The following SCUBE1 variants were observed in gnomAD, a reference collection of about 807,000 sequenced individuals.
The protein encoded by SCUBE1 is signal peptide, CUB and EGF-like domain-containing protein 1.
Under a neutral mutation model 124.4 loss-of-function variants are expected in SCUBE1, and 59 were observed. The observed-to-expected ratio is 0.47, with a 90% CI of 0.38 to 0.59. The LOEUF is 0.59. Among genes scored for constraint, SCUBE1 ranks in the 20% least tolerant of loss-of-function variants. SCUBE1 has a pLI of 0.00. For synonymous variants in SCUBE1, 545 were observed against 550.9 expected (o/e 0.99, Z 0.15); for missense variants, 1,150 against 1,371.2 (o/e 0.84, Z 2.55).
intron 6 of SCUBE1, among the ~76,000 whole-genome samples, chr22:43,253,418 G>A (rs1379214451): frequency 4.6e-5 from 7 of 152,134 alleles, no homozygotes; most frequent in African/African-American, 1.4e-4. Flanking sequence ...CCTTTGCTTC[G>A]TGTTGGAGGA....
rs561949616 is a variant in SCUBE1 at position 43,239,084 on chromosome 22, C to G, written c.728-130G>C. 85 of 693,102 alleles carry G rather than the reference C, an allele frequency of 1.2e-4. 2 individuals carry two copies. In the South Asian group the frequency reaches 1.5e-3, roughly 12 times the overall value. 42.9% of individuals were successfully genotyped at this position (693,102 alleles called of 1,614,324 possible). A position where few individuals can be genotyped will look rare whatever the true frequency, so the allele number is the denominator to read the frequency against. On this transcript the variant is annotated intron_variant, in intron 6 of 21. Coordinates refer to ENST00000360835, the MANE Select transcript of SCUBE1 (RefSeq NM_173050.5). ...TCAAGCTCTGGCTCTGATATACTCTCTGGCTGTGGGACTCTAGGGAAGCTG... is the reference window on the plus strand; with the variant it reads ...TCAAGCTCTGGCTCTGATATACTCTGTGGCTGTGGGACTCTAGGGAAGCTG...
intron 11 of SCUBE1, 86 bp from the exon 12 acceptor site, chr22:43,222,828 A>C: frequency 9.0e-7 from 1 of 1,116,090 alleles, no homozygotes; most frequent in Non-Finnish European, 1.3e-6. Context: ...GGGATTGTGG[A>C]GTGAGACGAA....
chr22:43,244,866 G>A (rs533273893), intron 6 of SCUBE1, among the ~76,000 whole-genome samples: 1 of 152,272 alleles, frequency 6.6e-6, no homozygotes, highest in Non-Finnish European at 1.5e-5. Flanking sequence ...CCCTGATGAT[G>A]GGGGCAGCCC....
In SCUBE1 at chr22:43,218,390, G is replaced by A. The variant is rs1921932961; in HGVS notation, c.1756C>T (p.Arg586Cys). Residue 586 changes from arginine to cysteine, a missense_variant, in exon 15 of 22, where the codon CGC becomes TGC. Arg to Cys is a radical substitution (Grantham distance 180). This residue lies in a region of SCUBE1 where 757 missense variants were observed against 840.9 expected (regional missense o/e 0.90). Transcript: ENST00000360835. ...QSLQAAIKTLRKSIGRQQFYV... is the reference protein window; with the variant it reads ...QSLQAAIKTLCKSIGRQQFYV... The stretch of plus-strand genomic sequence containing the variant: ...AACTGCTGCCGGCCGATGGACTTGC[G>A]CAGGGTCTTGATGGCGGCCTGCAGG... The A allele has an allele frequency of 1.2e-6, 2 of 1,613,460 alleles. No individual in the cohort carries two copies. Among genetic ancestry groups the A allele is most frequent in the Non-Finnish European group, 8.5e-7 (1 of 1,180,048 alleles).
chr22:43,275,788 T>C (rs1315505296), intron 4 of SCUBE1, among the ~76,000 whole-genome samples: 2 of 152,036 alleles, frequency 1.3e-5, no homozygotes, highest in African/African-American at 4.8e-5. Context: ...AACAGGCAGA[T>C]GGGGAGGAAC....
chr22:43,218,450 C>A lies in SCUBE1; in HGVS notation c.1696G>T (p.Glu566Ter). 2.5e-6 allele frequency: 4 copies of A among 1,611,236 alleles called. No individual in the cohort carries two copies. The highest frequency in any genetic ancestry group is 3.4e-6 in the Non-Finnish European group (4 of 1,179,952). The change falls in exon 15 of 22, where the codon GAA (glutamate) becomes TAA (stop). Residue 566 changes from glutamate (E) to a stop codon, truncating the protein, a stop_gained. Transcript: ENST00000360835. LOFTEE classifies it high-confidence loss of function. The stretch of plus-strand genomic sequence containing the variant: ...GCTCGCTTCCGCAAGCAGTCCGCTT[C>A]GCATGTGTCTGCAGGGGCAGGAGAG... ...TKMEEASDTCEADCLRKRAEQ... is the reference protein window; with the variant it reads ...TKMEEASDTC
chr22:43,245,130 TATCTCCCGAGGGGCCCTCTGA>T (rs1226844932), intron 6 of SCUBE1, among the ~76,000 whole-genome samples: 2 of 152,240 alleles, frequency 1.3e-5, no homozygotes, highest in African/African-American at 4.8e-5. Context: ...CTGGCTGGCC[TATCTCCCGAGGGGCCCTCTGA>T]ACTCCGGGGA....
At chr22:43,217,317 A>G (rs1261307358) in intron 15 of SCUBE1, among the ~76,000 whole-genome samples, 1 of 149,874 alleles carries the variant, frequency 6.7e-6, no homozygotes, top group African/African-American at 2.5e-5. Flanking sequence ...CAGCCTGCGC[A>G]CCCCATCCCC....
chr22:43,254,389 C>A (rs1328518254), intron 6 of SCUBE1, among the ~76,000 whole-genome samples: 3 of 152,238 alleles, frequency 2.0e-5, no homozygotes, highest in Non-Finnish European at 2.9e-5. Flanking sequence ...GGCCCTGGAC[C>A]TCCCTCCTGC....
At chr22:43,247,649 G>T (rs1194020123) in intron 6 of SCUBE1, among the ~76,000 whole-genome samples, 1 of 152,214 alleles carries the variant, frequency 6.6e-6, no homozygotes, top group African/African-American at 2.4e-5. Flanking sequence ...CACCTGGCCC[G>T]CCCTTAGCTG....
intron 8 of SCUBE1, among the ~76,000 whole-genome samples, chr22:43,229,670 A>G (rs1399395129): frequency 6.6e-6 from 1 of 152,212 alleles, no homozygotes; most frequent in African/African-American, 2.4e-5. Flanking sequence ...AATAAGGAAA[A>G]CCACACAGGT....
chr22:43,263,792 C>T lies in SCUBE1; in HGVS notation c.485-947G>A, dbSNP rs150733440. Among the ~76,000 whole-genome samples the T allele has an allele frequency of 3.2e-4, 48 of 152,336 alleles. No individual in the cohort carries two copies. In the East Asian group the frequency reaches 6.9e-3, roughly 22 times the overall value. On this transcript the variant is annotated intron_variant, in intron 4 of 21. Transcript: ENST00000360835. ...TAACTCCTGGTTTCACCTGATTTTG[C>T]GACTCATATTTCCTCACCTTGATTT...
intron 6 of SCUBE1, among the ~76,000 whole-genome samples, chr22:43,248,444 G>C: frequency 6.6e-6 from 1 of 152,336 alleles, no homozygotes; most frequent in South Asian, 2.1e-4. Context: ...TCCGCACAGC[G>C]GAGTCGCCAT....
intron 3 of SCUBE1, among the ~76,000 whole-genome samples, chr22:43,298,963 C>A (rs913407060): frequency 6.6e-6 from 1 of 151,220 alleles, no homozygotes; most frequent in Non-Finnish European, 1.5e-5. Context: ...GAGGCAGGAG[C>A]ATGGTGTGAA....
At chr22:43,295,392 C>A (rs543451084) in intron 3 of SCUBE1, among the ~76,000 whole-genome samples, 1 of 152,250 alleles carries the variant, frequency 6.6e-6, no homozygotes, top group Non-Finnish European at 1.5e-5. Context: ...TCCTTTATAT[C>A]CTTGCTCCTA....
At chr22:43,267,095 A>G (rs559613883) in intron 4 of SCUBE1, among the ~76,000 whole-genome samples, 158 of 152,214 alleles carry the variant, frequency 1.0e-3, no homozygotes, top group African/African-American at 2.7e-3. Context: ...CTACGACAGC[A>G]CTCCTATCTG....
Position 43,281,543 on chromosome 22 carries a change from C to T in SCUBE1, c.484+9503G>A, listed in dbSNP as rs1432687754. On this transcript the variant is annotated intron_variant, in intron 4 of 21. Coordinates refer to ENST00000360835, the MANE Select transcript of SCUBE1 (RefSeq NM_173050.5). ...ACCCTCCTGTCACCTCCCTCAGTCA[C>T]CCTCCTGTCACCTCCCCCTCAGCCA... Among the ~76,000 whole-genome samples, 82 of 138,782 alleles carry T rather than the reference C, an allele frequency of 5.9e-4. 4 individuals are homozygous for T. The South Asian group carries it at 0.012, about 20-fold the overall frequency. The allele number at this position is 138,782 out of a possible 152,430, so 91.0% of individuals were successfully genotyped here.
chr22:43,222,957 G>A, intron 11 of SCUBE1, 140 bp downstream of exon 11: 2 of 1,249,938 alleles, frequency 1.6e-6, no homozygotes, highest in Non-Finnish European at 2.2e-6. Flanking sequence ...CCAGACAGCT[G>A]CCTTAGGGTC....
intron 10 of SCUBE1, among the ~76,000 whole-genome samples, chr22:43,223,696 A>T (rs1047242040): frequency 5.3e-5 from 8 of 152,344 alleles, no homozygotes; most frequent in African/African-American, 1.7e-4. Flanking sequence ...AGGATGAAAA[A>T]GTCCCCCGGA....
Sources: gnomAD v4.1 joint callset for allele counts (sites outside exome capture counted in the v4.1 genomes callset) on GRCh38, gnomAD v4.1.1 for gene constraint, gnomAD v4.1.1 regional missense constraint, MANE v1.5 for transcripts, NCBI Gene and HGNC (gene_info 2026-07-23, HGNC 2026-07-21) for gene names.